The following ECT2L variants were observed in gnomAD, a reference collection of about 807,000 sequenced individuals.
ECT2L encodes epithelial cell transforming 2 like.
ECT2L carries 126 observed loss-of-function variants against 122.8 expected under a neutral mutation model. The observed-to-expected ratio is 1.03, with a 90% confidence interval of 0.89 to 1.19. The LOEUF is 1.19. Ranked by LOEUF, ECT2L falls within the 50% of genes most tolerant of loss-of-function variation. The pLI, the probability that ECT2L is intolerant of heterozygous loss-of-function variation, is 0.00. For missense variants in ECT2L, 1,012 were observed against 1,064.1 expected (o/e 0.95, Z 0.68); for synonymous variants, 385 against 381.8 (o/e 1.01, Z -0.10).
At chr6:138,862,605 G>A (rs752658135) in intron 10 of ECT2L, 22 bp from the exon 11 acceptor site, 6 of 1,606,752 alleles carry the variant, frequency 3.7e-6, no homozygotes, top group East Asian at 4.5e-5. Flanking sequence ...GGAAACTAAC[G>A]AAAGTGTTTT....
rs758140303 is a variant in ECT2L at position 138,813,377 on chromosome 6, C to T, written c.66+37C>T. The T allele has an allele frequency of 2.4e-5, 37 of 1,511,090 alleles. No individual in the cohort carries two copies. The Admixed American group carries it at 3.1e-4, about 13-fold the overall frequency. The allele number at this position is 1,511,090 out of a possible 1,614,324, so 93.6% of individuals were successfully genotyped here. A position where few individuals can be genotyped will look rare whatever the true frequency, so the allele number is the denominator to read the frequency against. On this transcript the variant is annotated intron_variant, in intron 3 of 21. Transcript: ENST00000541398. ...ACTTTAAAACAGAACAAGTTTAATT[C>T]GTAAGGTTAATTTTCCTGTGATATA...
chr6:138,823,357 A>C, intron 4 of ECT2L: 9 of 1,605,452 alleles, frequency 5.6e-6, no homozygotes, highest in Non-Finnish European at 7.6e-6. Flanking sequence ...CAAATGCTAG[A>C]GATCTGCATT....
chr6:138,895,575 A>T (rs6928194), intron 20 of ECT2L, among the ~76,000 whole-genome samples: 23,873 of 148,114 alleles, frequency 0.16, 2,108 homozygotes, highest in South Asian at 0.36. Context: ...ATATATATAT[A>T]TTTTTCTTTT....
Position 138,898,845 on chromosome 6 carries a change from T to A in ECT2L, c.2415-2103T>A, listed in dbSNP as rs1779299906. 4.6e-5 allele frequency among the ~76,000 whole-genome samples: 7 copies of A among 152,100 alleles called. No individual in the cohort carries two copies. The South Asian group carries it at 1.2e-3, about 27-fold the overall frequency. On this transcript the variant is annotated intron_variant, in intron 20 of 21. Transcript: ENST00000541398. ...CCAGTAGATGGCTGAAACCTCAGAG[T>A]ACTGATCCCTATAACATCACGTTTT...
chr6:138,820,389 G>A (rs1441646021), intron 4 of ECT2L, among the ~76,000 whole-genome samples: 1 of 152,224 alleles, frequency 6.6e-6, no homozygotes, highest in East Asian at 1.9e-4. Context: ...GCTCACTGCA[G>A]TTAGTCATTT....
intron 15 of ECT2L, among the ~76,000 whole-genome samples, chr6:138,882,356 T>C (rs916840817): frequency 6.6e-6 from 1 of 152,194 alleles, no homozygotes; most frequent in Non-Finnish European, 1.5e-5. Context: ...GCAGAGGCTA[T>C]GGCATTCAGC....
At chr6:138,853,672 G>A (rs1235853931) in intron 9 of ECT2L, among the ~76,000 whole-genome samples, 1 of 152,076 alleles carries the variant, frequency 6.6e-6, no homozygotes, top group African/African-American at 2.4e-5. Context: ...TTTTTTGATT[G>A]ACAATCCTGG....
intron 1 of ECT2L, among the ~76,000 whole-genome samples, chr6:138,797,216 T>C (rs1183143699): frequency 6.6e-6 from 1 of 152,246 alleles, no homozygotes; most frequent in African/African-American, 2.4e-5. Flanking sequence ...GTGGGACATT[T>C]AACTCAACTG....
intron 9 of ECT2L, 67 bp from the exon 10 acceptor site, chr6:138,853,959 G>A: frequency 3.9e-6 from 6 of 1,535,322 alleles, no homozygotes; most frequent in Non-Finnish European, 5.3e-6. Flanking sequence ...ATTTTCACAA[G>A]CTGCTAATAA....
chr6:138,870,669 T>C (rs1778221883), intron 13 of ECT2L, among the ~76,000 whole-genome samples: 1 of 151,886 alleles, frequency 6.6e-6, no homozygotes, highest in South Asian at 2.1e-4. Context: ...ATAGTTCTTT[T>C]TTTTCTTAGT....
rs1029345363 is a variant in ECT2L, at chr6:138,902,683, T to G, written c.*56T>G. 5.0e-6 allele frequency: 8 copies of G among 1,595,328 alleles called. No homozygotes were observed. Among genetic ancestry groups the G allele is most frequent in the Non-Finnish European group, 6.8e-6 (8 of 1,168,850 alleles). On this transcript the variant is annotated 3_prime_UTR_variant, in exon 22 of 22. Coordinates refer to ENST00000541398, the MANE Select transcript of ECT2L (RefSeq NM_001077706.3). ...TTCTCCCCAGCAAAGACAGACAACA[T>G]GTATTTTCTGTTCCAAAATATCCAG... is the stretch of plus-strand genomic sequence containing the variant.
intron 11 of ECT2L, 136 bp downstream of exon 11, chr6:138,862,855 C>T (rs9389629): frequency 0.037 from 22,203 of 605,104 alleles, 1,593 homozygotes; most frequent in East Asian, 0.26. Context: ...TGAAGGAACG[C>T]TATTAGTTCC....
intron 5 of ECT2L, among the ~76,000 whole-genome samples, chr6:138,840,804 T>C (rs950001633): frequency 6.6e-6 from 1 of 152,166 alleles, no homozygotes; most frequent in Admixed American, 6.5e-5. Flanking sequence ...TTAATATCTT[T>C]TATCAGTTTT....
chr6:138,871,981 T>A (rs913745971), intron 13 of ECT2L, among the ~76,000 whole-genome samples: 1 of 134,674 alleles, frequency 7.4e-6, no homozygotes, highest in African/African-American at 3.6e-5. Flanking sequence ...TATTTTTTAA[T>A]TTTTTTTTTT....
chr6:138,844,653 C>T (rs1777159589), intron 7 of ECT2L, 73 bp downstream of exon 7: 3 of 1,397,112 alleles, frequency 2.1e-6, no homozygotes, highest in Non-Finnish European at 3.0e-6. Context: ...ATAAATTTAG[C>T]TATCACGCAG....
In ECT2L at chr6:138,865,013, G is replaced by C. The variant is rs1226130072; in HGVS notation, c.1309G>C (p.Gly437Arg). The change falls in exon 12 of 22, where the codon GGA becomes CGA. Residue 437 changes from glycine (G) to arginine (R), a missense_variant. Transcript: ENST00000541398. ...SYQHILSDWL[G>R]SQWGKAPSSI... ...CATGTCAGTTCTTAGTGATTGGCTG[G>C]GATCCCAATGGGGAAAGGCCCCCTC... 1 of 1,613,026 alleles carries C rather than the reference G, an allele frequency of 6.2e-7. No individual in the cohort carries two copies. The highest frequency in any genetic ancestry group is 1.1e-5 in the South Asian group (1 of 90,990).
chr6:138,896,090 GA>G (rs1779199747), intron 20 of ECT2L, among the ~76,000 whole-genome samples: 1 of 124,440 alleles, frequency 8.0e-6, no homozygotes, highest in African/African-American at 4.2e-5. Flanking sequence ...TTTCATTGCT[GA>G]ATTTTTTTTT....
chr6:138,832,879 A>T lies in ECT2L; in HGVS notation c.180-5473A>T, dbSNP rs532853420. ...TTCATAGCATATTAGTCCATTTCAC[A>T]CTGCTATAAAGAACTGCCTGAGACT... On this transcript the variant is annotated intron_variant, in intron 4 of 21. Transcript: ENST00000541398. Among the ~76,000 whole-genome samples the T allele has an allele frequency of 3.3e-5, 5 of 152,162 alleles. No individual in the cohort carries two copies. In the East Asian group the frequency reaches 9.6e-4, roughly 29 times the overall value.
chr6:138,873,898 G>GTGTGTA (rs1554277023), intron 13 of ECT2L, among the ~76,000 whole-genome samples: 18 of 150,244 alleles, frequency 1.2e-4, no homozygotes, highest in African/African-American at 3.2e-4. Flanking sequence ...GTGTGTGTGT[G>GTGTGTA]TGTGTGTGTG....
Sources: allele counts gnomAD v4.1 joint callset (sites outside exome capture counted in the v4.1 genomes callset), GRCh38; gene constraint gnomAD v4.1.1; transcripts MANE v1.5; gene names NCBI Gene and HGNC (gene_info 2026-07-23, HGNC 2026-07-21).